Variants in ZNF536 observed in about 807,000 individuals in gnomAD.
ZNF536 encodes the protein zinc finger protein 536.
ZNF536 carries 13 observed loss-of-function variants against 84.5 expected under a neutral mutation model. The observed-to-expected ratio is 0.15, with a 90% CI of 0.10 to 0.24. The LOEUF is 0.24. ZNF536 is among the 10% of genes least tolerant of loss of function. ZNF536 has a pLI of 1.00. For missense variants in ZNF536, 1,536 were observed against 1,747.5 expected (o/e 0.88, Z 2.16); for synonymous variants, 811 against 742.5 (o/e 1.09, Z -1.50).
intron 2 of ZNF536, among the ~76,000 whole-genome samples, chr19:30,333,212 T>C (rs905120757): frequency 3.3e-5 from 5 of 152,204 alleles, no homozygotes; most frequent in African/African-American, 1.2e-4. Flanking sequence ...TAATATTTGC[T>C]GAAAGAGAGC....
intron 1 of ZNF536, among the ~76,000 whole-genome samples, chr19:30,648,059 G>T (rs1482115207): frequency 6.6e-6 from 1 of 152,148 alleles, no homozygotes; most frequent in Non-Finnish European, 1.5e-5. Context: ...TTCTCCTATG[G>T]CTCGCTCCCC....
At chr19:30,559,466 A>G (rs2046079661), downstream of ZNF536, among the ~76,000 whole-genome samples, 1 of 152,130 alleles carries the variant, frequency 6.6e-6, no homozygotes, top group Non-Finnish European at 1.5e-5. Flanking sequence ...GACCTGCCCC[A>G]AGGGGAATGG....
At chr19:30,600,224 C>T (rs2047637551) in intron 1 of ZNF536, among the ~76,000 whole-genome samples, 1 of 152,144 alleles carries the variant, frequency 6.6e-6, no homozygotes, top group African/African-American at 2.4e-5. Context: ...TCCCTAGTAG[C>T]TGAGATTACA....
At chr19:30,482,725 T>C (rs1233504432) in intron 2 of ZNF536, among the ~76,000 whole-genome samples, 1 of 152,178 alleles carries the variant, frequency 6.6e-6, no homozygotes, top group Non-Finnish European at 1.5e-5. Flanking sequence ...CCCCATTAGG[T>C]CTGATGCCTC....
intron 2 of ZNF536, among the ~76,000 whole-genome samples, chr19:30,498,335 G>A (rs2054805727): frequency 6.6e-6 from 1 of 152,166 alleles, no homozygotes; most frequent in Admixed American, 6.5e-5. Flanking sequence ...AACTAATGCA[G>A]GAACAGAAAA....
chr19:30,663,114 G>T (rs1468966881), intron 1 of ZNF536, among the ~76,000 whole-genome samples: 1 of 152,000 alleles, frequency 6.6e-6, no homozygotes. Flanking sequence ...GATAGTGCAG[G>T]TTTAAACAGT....
chr19:30,664,988 C>A (rs1194656364), intron 1 of ZNF536, among the ~76,000 whole-genome samples: 1 of 152,330 alleles, frequency 6.6e-6, no homozygotes, highest in Middle Eastern at 3.4e-3. Flanking sequence ...AGTTCTTCAA[C>A]AGGAAACACT....
chr19:30,667,021 C>G (rs934531532), intron 1 of ZNF536, among the ~76,000 whole-genome samples: 1 of 152,082 alleles, frequency 6.6e-6, no homozygotes, highest in Non-Finnish European at 1.5e-5. Flanking sequence ...CTTGGGGCAG[C>G]TGTTCTCAGG....
At chr19:30,466,522 C>T (rs527660540) in intron 2 of ZNF536, among the ~76,000 whole-genome samples, 1 of 150,854 alleles carries the variant, frequency 6.6e-6, no homozygotes, top group South Asian at 2.1e-4. Context: ...TGAGATATAC[C>T]ATTGCACTCC....
intron 2 of ZNF536, among the ~76,000 whole-genome samples, chr19:30,323,630 C>T (rs1469315743): frequency 1.3e-5 from 2 of 152,130 alleles, no homozygotes; most frequent in Non-Finnish European, 2.9e-5. Flanking sequence ...CTGCAGGGTT[C>T]TTGGGTTGGG....
intron 1 of ZNF536, among the ~76,000 whole-genome samples, chr19:30,604,864 G>A (rs151275512): frequency 0.016 from 2,453 of 152,266 alleles, 94 homozygotes; most frequent in Admixed American, 0.089. Flanking sequence ...TGAAATCTTC[G>A]TGCATGAATG....
chr19:30,547,381 G>C (rs1016575027), intron 3 of ZNF536, among the ~76,000 whole-genome samples: 3 of 152,124 alleles, frequency 2.0e-5, no homozygotes, highest in African/African-American at 7.2e-5. Context: ...GTCTGGAATG[G>C]TGCCCTCCAA....
intron 1 of ZNF536, among the ~76,000 whole-genome samples, chr19:30,632,521 G>A (rs551316975): frequency 3.3e-5 from 5 of 152,256 alleles, no homozygotes; most frequent in South Asian, 2.1e-4. Flanking sequence ...CAGGAGAATC[G>A]CTTGAACCTG....
At position 30,693,021 on chromosome 19, in the gene ZNF536, G is replaced by GGGA. The variant is rs1568677314; in HGVS notation, c.170-17734_170-17733insAGG. Among the ~76,000 whole-genome samples, 16 of 150,350 alleles carry GGGA rather than the reference G, an allele frequency of 1.1e-4. No homozygotes were observed. In the South Asian group the frequency reaches 3.4e-3, roughly 32 times the overall value. ...TAGTTTAGCAGCTCCAAAACCTGGG[G>GGGA]GGGAGAGAGAGAGAGAGAGAGAGAG... On this transcript the variant is annotated intron_variant, in intron 1 of 1. Coordinates refer to the ZNF536 transcript ENST00000592773.
chr19:30,619,844 AT>A (rs1188303508), intron 1 of ZNF536, among the ~76,000 whole-genome samples: 2 of 152,192 alleles, frequency 1.3e-5, no homozygotes, highest in Admixed American at 6.5e-5. Context: ...TTCAGTAAAT[AT>A]TTTTTGAATG....
intron 1 of ZNF536, among the ~76,000 whole-genome samples, chr19:30,635,593 A>T (rs1299168544): frequency 6.6e-6 from 1 of 152,132 alleles, no homozygotes; most frequent in Non-Finnish European, 1.5e-5. Context: ...CTAAGTGCAG[A>T]AGGTTCTCTG....
intron 4 of ZNF536, among the ~76,000 whole-genome samples, chr19:30,551,834 G>A (rs35321182): frequency 0.021 from 3,178 of 152,252 alleles, 49 homozygotes; most frequent in Middle Eastern, 0.048. Context: ...CATTTGCTTG[G>A]GGGTGGGGCC....
At chr19:30,320,397 C>T (rs116952564) in intron 2 of ZNF536, among the ~76,000 whole-genome samples, 7 of 152,308 alleles carry the variant, frequency 4.6e-5, no homozygotes, top group East Asian at 1.9e-4. Context: ...CTTTGGGCTA[C>T]GATTCATCAG....
At chr19:30,665,904 A>G (rs1429750420) in intron 1 of ZNF536, 2 of 152,338 alleles carry the variant, frequency 1.3e-5, no homozygotes, top group Non-Finnish European at 2.9e-5. Context: ...GACATTGCAC[A>G]TTCTGGTGCA....
Sources: allele counts gnomAD v4.1 joint callset (sites outside exome capture counted in the v4.1 genomes callset), GRCh38; gene constraint gnomAD v4.1.1; transcripts MANE v1.5; gene names NCBI Gene and HGNC (gene_info 2026-07-23, HGNC 2026-07-21).